The following MKX variants were observed in gnomAD, a reference collection of about 807,000 sequenced individuals.
MKX encodes the protein homeobox protein Mohawk.
Under a neutral mutation model 36.0 loss-of-function variants are expected in MKX, and 13 were observed. The observed-to-expected ratio is 0.36, with a 90% CI of 0.24 to 0.57. MKX has a LOEUF of 0.57. Among genes scored for constraint, MKX ranks in the 20% least tolerant of loss-of-function variants. The pLI is 0.79. For synonymous variants in MKX, 176 were observed against 178.3 expected (o/e 0.99, Z 0.10); for missense variants, 458 against 456.4 (o/e 1.00, Z -0.03).
Position 27,674,755 on chromosome 10 carries a change from T to C in MKX, c.*474A>G, listed in dbSNP as rs1263372776. On this transcript the variant is annotated 3_prime_UTR_variant, in exon 7 of 7. Coordinates refer to ENST00000419761, the MANE Select transcript of MKX (RefSeq NM_173576.3). ...ACAATTTTCAATAATGTAGACGTTTTTTAAAAGGAAGATTTCATTTGGGCT... is the reference window on the plus strand; with the variant it reads ...ACAATTTTCAATAATGTAGACGTTTCTTAAAAGGAAGATTTCATTTGGGCT... The C allele has an allele frequency of 1.3e-5, 2 of 152,716 alleles. No homozygotes were observed. The highest frequency in any genetic ancestry group is 2.9e-5 in the Non-Finnish European group (2 of 68,304). The allele number at this position is 152,716 out of a possible 1,614,324, so 9.5% of individuals were successfully genotyped here. A position where few individuals can be genotyped will look rare whatever the true frequency, so the allele number is the denominator to read the frequency against.
chr10:27,696,215 G>A (rs1452742273), intron 5 of MKX, among the ~76,000 whole-genome samples: 1 of 152,180 alleles, frequency 6.6e-6, no homozygotes, highest in East Asian at 1.9e-4. Flanking sequence ...AAAAAGGTTT[G>A]GGGCAAGTTA....
intron 5 of MKX, among the ~76,000 whole-genome samples, chr10:27,707,081 T>C (rs1277751270): frequency 1.4e-5 from 2 of 147,572 alleles, no homozygotes; most frequent in Non-Finnish European, 3.0e-5. Flanking sequence ...TGGGGAGAGA[T>C]TAATTTAATA....
At chr10:27,701,319 G>A (rs1468799015) in intron 5 of MKX, among the ~76,000 whole-genome samples, 5 of 151,020 alleles carry the variant, frequency 3.3e-5, no homozygotes, top group Non-Finnish European at 5.9e-5. Flanking sequence ...GCATTCTCAC[G>A]TGATTTTATC....
At chr10:27,726,977 A>C (rs2132625416) in intron 5 of MKX, among the ~76,000 whole-genome samples, 1 of 152,246 alleles carries the variant, frequency 6.6e-6, no homozygotes, top group East Asian at 1.9e-4. Flanking sequence ...TTAATACAGC[A>C]CCATTTCAGG....
Position 27,740,660 on chromosome 10 carries a change from A to G in MKX, c.348+685T>C, listed in dbSNP as rs187501712. 4.7e-3 allele frequency among the ~76,000 whole-genome samples: 723 copies of G among 152,318 alleles called. 7 individuals carry two copies. The highest frequency in any genetic ancestry group is 0.017 in the African/African-American group (695 of 41,568). ...TTGCACCATTTCTCTACACTTGGCA[A>G]AGTAACCCAACCATCTGAAATCTGC... On this transcript the variant is annotated intron_variant, in intron 3 of 6. Transcript: ENST00000419761.
intron 5 of MKX, among the ~76,000 whole-genome samples, chr10:27,716,778 A>G (rs1328989549): frequency 6.6e-6 from 1 of 152,182 alleles, no homozygotes; most frequent in Non-Finnish European, 1.5e-5. Flanking sequence ...CCGCTGCCAC[A>G]TGATCTATGC....
intron 5 of MKX, among the ~76,000 whole-genome samples, chr10:27,723,989 T>C (rs1834433900): frequency 6.6e-6 from 1 of 152,222 alleles, no homozygotes; most frequent in Admixed American, 6.5e-5. Flanking sequence ...TATGAATGGT[T>C]GTCTCTGACC....
intron 5 of MKX, among the ~76,000 whole-genome samples, chr10:27,726,194 T>C (rs1264987779): frequency 6.6e-6 from 1 of 152,218 alleles, no homozygotes; most frequent in African/African-American, 2.4e-5. Flanking sequence ...TTAACGTTGG[T>C]AAACTTGTTC....
intron 5 of MKX, among the ~76,000 whole-genome samples, chr10:27,693,549 C>T (rs1384079573): frequency 6.6e-6 from 1 of 152,044 alleles, no homozygotes; most frequent in Non-Finnish European, 1.5e-5. Flanking sequence ...AAGGCCATTT[C>T]ATGGAAATTT....
intron 5 of MKX, among the ~76,000 whole-genome samples, chr10:27,709,562 C>A (rs1439726220): frequency 6.6e-6 from 1 of 152,162 alleles, no homozygotes; most frequent in Admixed American, 6.6e-5. Context: ...CAAGGGTGAG[C>A]TGATCTGAGG....
Position 27,737,276 on chromosome 10 carries a change from T to C in MKX, c.349-1902A>G, listed in dbSNP as rs148411943. On this transcript the variant is annotated intron_variant, in intron 3 of 6. Coordinates refer to ENST00000419761, the MANE Select transcript of MKX (RefSeq NM_173576.3). ...GGGAATTTGAAAACATTTCTCTTTC[T>C]AACTTCCCTGTCTTCCATTCTGTTC... Among the ~76,000 whole-genome samples the C allele has an allele frequency of 4.0e-3, 603 of 152,304 alleles. 12 individuals carry two copies. In the Middle Eastern group the frequency reaches 0.062, roughly 16 times the overall value.
intron 5 of MKX, among the ~76,000 whole-genome samples, chr10:27,679,119 C>T (rs765142976): frequency 1.8e-4 from 26 of 147,982 alleles, no homozygotes; most frequent in Non-Finnish European, 3.2e-4. Flanking sequence ...CAGGGCCTGT[C>T]GGGAGGTGGG....
At chr10:27,716,807 G>C (rs1301984635) in intron 5 of MKX, among the ~76,000 whole-genome samples, 4 of 152,086 alleles carry the variant, frequency 2.6e-5, no homozygotes, top group African/African-American at 7.2e-5. Flanking sequence ...GAAGAATTTT[G>C]CCCTCATGAC....
intron 5 of MKX, among the ~76,000 whole-genome samples, chr10:27,679,224 A>G (rs1384015664): frequency 6.6e-6 from 1 of 152,230 alleles, no homozygotes; most frequent in African/African-American, 2.4e-5. Context: ...TACCTATGTA[A>G]CAAACCTGCA....
intron 5 of MKX, among the ~76,000 whole-genome samples, chr10:27,691,007 C>T: frequency 6.6e-6 from 1 of 152,122 alleles, no homozygotes; most frequent in Non-Finnish European, 1.5e-5. Flanking sequence ...TCTCCTGCTG[C>T]CTTGTGAAGA....
chr10:27,701,818 T>C, intron 5 of MKX, among the ~76,000 whole-genome samples: 1 of 39,484 alleles, frequency 2.5e-5, no homozygotes, highest in East Asian at 1.2e-3. Context: ...ATTTTGTGTG[T>C]GTGTGTGTGT....
chr10:27,727,058 G>A (rs946817455), intron 5 of MKX, among the ~76,000 whole-genome samples: 7 of 152,148 alleles, frequency 4.6e-5, no homozygotes, highest in African/African-American at 7.2e-5. Context: ...GATAGGATGC[G>A]ACTGCATTTC....
chr10:27,679,948 G>C (rs1836223448), intron 5 of MKX, among the ~76,000 whole-genome samples: 1 of 152,098 alleles, frequency 6.6e-6, no homozygotes, highest in Admixed American at 6.5e-5. Flanking sequence ...ACCCACCACT[G>C]GCGGTCATAG....
intron 5 of MKX, among the ~76,000 whole-genome samples, chr10:27,686,434 GA>G (rs1836354152): frequency 6.9e-6 from 1 of 144,920 alleles, no homozygotes; most frequent in Non-Finnish European, 1.5e-5. Context: ...AGGAAGGAAG[GA>G]AGGAAGGAAG....
Sources: gnomAD v4.1 joint callset for allele counts (sites outside exome capture counted in the v4.1 genomes callset) on GRCh38, gnomAD v4.1.1 for gene constraint, MANE v1.5 for transcripts, NCBI Gene and HGNC (gene_info 2026-07-23, HGNC 2026-07-21) for gene names.